The following ANKS1B variants were observed in gnomAD, a reference collection of about 807,000 sequenced individuals.
ANKS1B encodes ankyrin repeat and sterile alpha motif domain-containing protein 1B.
Under a neutral mutation model 148.3 loss-of-function variants are expected in ANKS1B, and 36 were observed. That is an observed-to-expected ratio of 0.24 (90% CI 0.19 to 0.32). The LOEUF (loss-of-function observed/expected upper bound fraction) is 0.32. Among genes scored for constraint, ANKS1B ranks in the 10% least tolerant of loss-of-function variants. ANKS1B has a pLI of 1.00. For synonymous variants in ANKS1B, 542 were observed against 560.8 expected (o/e 0.97, Z 0.47); for missense variants, 1,157 against 1,542.6 (o/e 0.75, Z 4.19).
chr12:99,151,842 A>T (rs1277561570), intron 15 of ANKS1B, among the ~76,000 whole-genome samples: 2 of 152,204 alleles, frequency 1.3e-5, no homozygotes, highest in Non-Finnish European at 2.9e-5. Flanking sequence ...ATGCACTATG[A>T]TGTTTCAACC....
At chr12:99,592,198 T>C (rs981805774) in intron 9 of ANKS1B, among the ~76,000 whole-genome samples, 1 of 152,150 alleles carries the variant, frequency 6.6e-6, no homozygotes, top group African/African-American at 2.4e-5. Flanking sequence ...TTTAGCAAAA[T>C]TGTAATGACT....
At position 99,719,293 on chromosome 12, in the gene ANKS1B, T is replaced by C. The variant is rs188404615; in HGVS notation, c.1128+53629A>G. Reference sequence around the variant, plus strand: ...CTTTCTGTTTCCCGGCTCCTTCAGCTGTACTCACTCTTTGTTGAGTCTCCC... The same window carrying C: ...CTTTCTGTTTCCCGGCTCCTTCAGCCGTACTCACTCTTTGTTGAGTCTCCC... On this transcript the variant is annotated intron_variant, in intron 8 of 26. Coordinates refer to ENST00000683438, the MANE Select transcript of ANKS1B (RefSeq NM_001352186.2). 5.6e-3 allele frequency among the ~76,000 whole-genome samples: 848 copies of C among 152,318 alleles called. 7 individuals are homozygous for C. The highest frequency in any genetic ancestry group is 0.01 in the Middle Eastern group (3 of 294).
chr12:99,776,672 G>A (rs1331249179), intron 6 of ANKS1B, among the ~76,000 whole-genome samples: 1 of 130,888 alleles, frequency 7.6e-6, no homozygotes, highest in South Asian at 3.2e-4. Flanking sequence ...GGTTTTTTTT[G>A]TTTCTTTTTG....
intron 17 of ANKS1B, among the ~76,000 whole-genome samples, chr12:98,933,351 T>A (rs2152974297): frequency 6.6e-6 from 1 of 152,304 alleles, no homozygotes; most frequent in East Asian, 1.9e-4. Flanking sequence ...TAGTATTCCA[T>A]TGTATGCAAC....
At chr12:99,547,415 AG>A in intron 9 of ANKS1B, among the ~76,000 whole-genome samples, 1 of 152,282 alleles carries the variant, frequency 6.6e-6, no homozygotes, top group South Asian at 2.1e-4. Context: ...TTCATAAAAA[AG>A]AAACAGGAGG....
intron 14 of ANKS1B, among the ~76,000 whole-genome samples, chr12:99,166,217 G>T (rs764684342): frequency 6.6e-6 from 1 of 151,120 alleles, no homozygotes; most frequent in African/African-American, 2.4e-5. Context: ...ACAAAGCAAG[G>T]ATGTCCATTC....
Position 99,556,940 on chromosome 12 carries a change from C to T in ANKS1B, c.1273-52299G>A, listed in dbSNP as rs558499852. On this transcript the variant is annotated intron_variant, in intron 9 of 26. Coordinates refer to ENST00000683438, the MANE Select transcript of ANKS1B (RefSeq NM_001352186.2). ...TTACATTGTTTTGGAGTGGAGAGTT[C>T]TGTAGATGTCTATTAAGTCCATTTA... Among the ~76,000 whole-genome samples the T allele has an allele frequency of 4.3e-4, 66 of 152,270 alleles. 1 individual carries two copies. The South Asian group carries it at 0.011, about 24-fold the overall frequency.
chr12:99,120,134 C>T (rs182746667), intron 15 of ANKS1B, among the ~76,000 whole-genome samples: 19 of 152,346 alleles, frequency 1.2e-4, no homozygotes, highest in African/African-American at 3.4e-4. Flanking sequence ...CACCCACATT[C>T]GCACTCACTC....
At chr12:99,299,061 C>CT (rs67720875) in intron 12 of ANKS1B, among the ~76,000 whole-genome samples, 24,597 of 142,530 alleles carry the variant, frequency 0.17, 2,075 homozygotes, top group Non-Finnish European at 0.2. Flanking sequence ...ATGTTTGTTG[C>CT]TTTTTTTTTT....
intron 1 of ANKS1B, among the ~76,000 whole-genome samples, chr12:99,978,757 G>A (rs1179081727): frequency 6.6e-6 from 1 of 152,074 alleles, no homozygotes; most frequent in Non-Finnish European, 1.5e-5. Flanking sequence ...AAAATTATAA[G>A]CTCTCTGGTT....
intron 1 of ANKS1B, among the ~76,000 whole-genome samples, chr12:99,940,566 C>T (rs1053115026): frequency 6.6e-6 from 1 of 152,052 alleles, no homozygotes; most frequent in African/African-American, 2.4e-5. Context: ...GAACATACAG[C>T]CAATCAACGA....
chr12:98,899,777 T>TC (rs1041098262), intron 17 of ANKS1B, among the ~76,000 whole-genome samples: 25 of 152,332 alleles, frequency 1.6e-4, no homozygotes, highest in Middle Eastern at 3.4e-3. Context: ...AACTATAGTA[T>TC]CTGTGACATA....
At chr12:99,648,513 G>A in intron 9 of ANKS1B, 3 of 1,614,152 alleles carry the variant, frequency 1.9e-6, no homozygotes, top group Non-Finnish European at 2.5e-6. Context: ...CGCCTGCAGA[G>A]ATCTTAGAAC....
chr12:99,851,651 T>A (rs982774083), intron 1 of ANKS1B, among the ~76,000 whole-genome samples: 1 of 152,164 alleles, frequency 6.6e-6, no homozygotes, highest in African/African-American at 2.4e-5. Flanking sequence ...CAAGTAATAT[T>A]GGTAATAACA....
intron 1 of ANKS1B, among the ~76,000 whole-genome samples, chr12:99,930,593 G>A (rs1236456826): frequency 1.3e-5 from 2 of 152,132 alleles, no homozygotes; most frequent in Non-Finnish European, 2.9e-5. Context: ...CAAAGGGAAT[G>A]CTTCATCATC....
At chr12:98,808,378 T>A (rs532591969) in intron 19 of ANKS1B, among the ~76,000 whole-genome samples, 1 of 152,328 alleles carries the variant, frequency 6.6e-6, no homozygotes, top group East Asian at 1.9e-4. Flanking sequence ...CCTGATTTAG[T>A]CATTGCTCTA....
chr12:98,885,669 C>T (rs939460590), intron 17 of ANKS1B, among the ~76,000 whole-genome samples: 4 of 152,176 alleles, frequency 2.6e-5, no homozygotes, highest in African/African-American at 9.7e-5. Flanking sequence ...TCCACCACCC[C>T]CCTTGCCCGC....
In ANKS1B at chr12:99,574,854, T is replaced by C. The variant is rs537452729; in HGVS notation, c.1273-70213A>G. On this transcript the variant is annotated intron_variant, in intron 9 of 26. Transcript: ENST00000683438. ...AAAGCTGAATGTTTTCCTCCTAAGA[T>C]TGAGAAAAAGCAAGAATGCCTACTT... Among the ~76,000 whole-genome samples the C allele has an allele frequency of 5.9e-5, 9 of 152,074 alleles. No homozygotes were observed. In the South Asian group the frequency reaches 6.2e-4, roughly 11 times the overall value.
intron 17 of ANKS1B, among the ~76,000 whole-genome samples, chr12:98,974,881 C>T (rs928678815): frequency 6.6e-6 from 1 of 151,114 alleles, no homozygotes; most frequent in Non-Finnish European, 1.5e-5. Context: ...TCCCTATCTC[C>T]ATCCCTCCCT....
Sources: allele counts gnomAD v4.1 joint callset (sites outside exome capture counted in the v4.1 genomes callset), GRCh38; gene constraint gnomAD v4.1.1; transcripts MANE v1.5; gene names NCBI Gene and HGNC (gene_info 2026-07-23, HGNC 2026-07-21).